Variants in ZMAT4 observed in about 807,000 individuals in gnomAD.
The protein encoded by ZMAT4 is zinc finger matrin-type protein 4.
ZMAT4 carries 17 observed loss-of-function variants against 28.7 expected under a neutral mutation model. The ratio of observed to expected loss-of-function variants is 0.59; its 90% CI spans 0.41 to 0.89. The LOEUF (loss-of-function observed/expected upper bound fraction) is 0.89, where lower values mean the gene tolerates loss of function less well. Among genes scored for constraint, ZMAT4 ranks in the 40% least tolerant of loss-of-function variants. The probability of loss-of-function intolerance (pLI) is 0.00; values close to 1 mark genes in which losing one functional copy is unlikely to be tolerated. For synonymous variants in ZMAT4, 117 were observed against 109.2 expected, an observed-to-expected ratio of 1.07 and a Z score of -0.44; for missense variants, 240 against 283.8, an observed-to-expected ratio of 0.85 and a Z score of 1.11.
intron 1 of ZMAT4, among the ~76,000 whole-genome samples, chr8:40,895,770 A>C (rs1221748174): frequency 6.6e-6 from 1 of 152,188 alleles, no homozygotes; most frequent in Non-Finnish European, 1.5e-5. Context: ...TGCAATCCTC[A>C]AACTCAAAAG....
chr8:40,799,254 T>G (rs192072375), intron 2 of ZMAT4, among the ~76,000 whole-genome samples: 3 of 151,548 alleles, frequency 2.0e-5, no homozygotes, highest in African/African-American at 4.8e-5. Flanking sequence ...TGGAGACAGA[T>G]AGAGAGAGAG....
chr8:40,837,819 C>T (rs1319982796), intron 1 of ZMAT4, among the ~76,000 whole-genome samples: 1 of 152,190 alleles, frequency 6.6e-6, no homozygotes, highest in Admixed American at 6.5e-5. Context: ...GGTACACGGG[C>T]TGGGAGCATC....
chr8:40,789,137 G>C (rs981966239), intron 2 of ZMAT4, among the ~76,000 whole-genome samples: 2 of 151,882 alleles, frequency 1.3e-5, no homozygotes. Context: ...CATCAACATT[G>C]CAACTGTGGA....
intron 1 of ZMAT4, among the ~76,000 whole-genome samples, chr8:40,891,920 A>G (rs1788842152): frequency 6.6e-6 from 1 of 152,100 alleles, no homozygotes; most frequent in Non-Finnish European, 1.5e-5. Context: ...TCACCAATTT[A>G]TCTTGCTTCC....
At chr8:40,702,000 G>A (rs913550875) in intron 3 of ZMAT4, among the ~76,000 whole-genome samples, 2 of 152,178 alleles carry the variant, frequency 1.3e-5, no homozygotes, top group Non-Finnish European at 1.5e-5. Flanking sequence ...GATTAATGCT[G>A]TTATGGAGAG....
At chr8:40,699,288 C>T (rs566097795) in intron 3 of ZMAT4, among the ~76,000 whole-genome samples, 2 of 152,206 alleles carry the variant, frequency 1.3e-5, no homozygotes, top group South Asian at 4.1e-4. Context: ...TTACTACATG[C>T]TGGAGGATAT....
intron 6 of ZMAT4, among the ~76,000 whole-genome samples, chr8:40,577,201 G>GA (rs112453973): frequency 6.3e-4 from 91 of 144,766 alleles, no homozygotes; most frequent in African/African-American, 1.2e-3. Context: ...TCTCAAAAAA[G>GA]AAAAAAAAAA....
At position 40,812,935 on chromosome 8, in the gene ZMAT4, A is replaced by AAAATAAAATAAAATT. The variant is rs1254447514; in HGVS notation, c.102+12639_102+12640insAATTTTATTTTATTT. Among the ~76,000 whole-genome samples the AAAATAAAATAAAATT allele has an allele frequency of 4.1e-4, 32 of 78,040 alleles. 1 individual carries two copies. Among genetic ancestry groups the AAAATAAAATAAAATT allele is most frequent in the South Asian group, 2.6e-3 (7 of 2,700 alleles). 51.2% of individuals were successfully genotyped at this position (78,040 alleles called of 152,430 possible). On this transcript the variant is annotated intron_variant, in intron 2 of 6. Coordinates refer to ENST00000297737, the MANE Select transcript of ZMAT4 (RefSeq NM_024645.3). ...GCGACAAGAGCAAAACTCCATCTCAAAAATTAAATTAAATTAAATTAAATT... is the reference window on the plus strand; with the variant it reads ...GCGACAAGAGCAAAACTCCATCTCAAAAATAAAATAAAATTAAATTAAATTAAATTAAATTAAATT...
chr8:40,627,506 A>T (rs1446000097), intron 5 of ZMAT4, among the ~76,000 whole-genome samples: 6 of 152,206 alleles, frequency 3.9e-5, no homozygotes, highest in Admixed American at 2.6e-4. Flanking sequence ...GGATGAAGAA[A>T]ATATATGTAT....
intron 5 of ZMAT4, among the ~76,000 whole-genome samples, chr8:40,647,496 G>C (rs1013181701): frequency 1.8e-4 from 27 of 152,162 alleles, no homozygotes; most frequent in Non-Finnish European, 7.3e-5. Flanking sequence ...GCGAGGCTGG[G>C]GGAGGGGCGC....
intron 5 of ZMAT4, among the ~76,000 whole-genome samples, chr8:40,614,362 G>C (rs1313964755): frequency 1.3e-5 from 2 of 152,194 alleles, no homozygotes; most frequent in East Asian, 3.9e-4. Context: ...AAAATAAATA[G>C]TTATTAGTTT....
chr8:40,544,421 C>T (rs1208268877), intron 6 of ZMAT4, among the ~76,000 whole-genome samples: 1 of 152,094 alleles, frequency 6.6e-6, no homozygotes, highest in East Asian at 1.9e-4. Flanking sequence ...ATCAAAGGAT[C>T]AGCGTGTTAT....
intron 5 of ZMAT4, among the ~76,000 whole-genome samples, chr8:40,624,629 A>G (rs898200677): frequency 2.6e-5 from 4 of 152,250 alleles, no homozygotes; most frequent in Admixed American, 2.6e-4. Flanking sequence ...ATGCTTAGTC[A>G]TGACTATATT....
rs570203091 is a variant in ZMAT4 at position 40,645,251 on chromosome 8, A to G, written c.577+29453T>C. Among the ~76,000 whole-genome samples the G allele has an allele frequency of 3.9e-5, 6 of 152,298 alleles. No individual in the cohort carries two copies. The South Asian group carries it at 1.2e-3, about 32-fold the overall frequency. ...GTTTCAGTAAATCTAAAACTATTCTAAAATAAAATGTTTATTTAGAAGATA... is the reference window on the plus strand; with the variant it reads ...GTTTCAGTAAATCTAAAACTATTCTGAAATAAAATGTTTATTTAGAAGATA... On this transcript the variant is annotated intron_variant, in intron 5 of 6. Coordinates refer to ENST00000297737, the MANE Select transcript of ZMAT4 (RefSeq NM_024645.3).
intron 5 of ZMAT4, among the ~76,000 whole-genome samples, chr8:40,622,274 C>T (rs1211016483): frequency 6.6e-6 from 1 of 152,138 alleles, no homozygotes; most frequent in African/African-American, 2.4e-5. Flanking sequence ...CCAAAGAGAA[C>T]AGTAGAGAGC....
chr8:40,550,992 T>C (rs1803352835), intron 6 of ZMAT4, among the ~76,000 whole-genome samples: 1 of 152,182 alleles, frequency 6.6e-6, no homozygotes, highest in Admixed American at 6.5e-5. Context: ...GTTTGTACAT[T>C]TTCATGTCCC....
intron 3 of ZMAT4, among the ~76,000 whole-genome samples, chr8:40,721,758 T>C (rs1811107477): frequency 6.6e-6 from 1 of 151,976 alleles, no homozygotes; most frequent in South Asian, 2.1e-4. Context: ...CATGTGTTTT[T>C]TGGCTGCATA....
At chr8:40,820,222 G>C (rs1472708912) in intron 2 of ZMAT4, among the ~76,000 whole-genome samples, 1 of 151,198 alleles carries the variant, frequency 6.6e-6, no homozygotes. Context: ...GTGTGCATTT[G>C]TGTATGTGTG....
intron 5 of ZMAT4, among the ~76,000 whole-genome samples, chr8:40,627,075 T>C (rs1451126030): frequency 6.6e-6 from 1 of 152,190 alleles, no homozygotes; most frequent in Admixed American, 6.5e-5. Flanking sequence ...ATTCCCTCCC[T>C]GAACTGTGCC....
Sources: gnomAD v4.1 joint callset for allele counts (sites outside exome capture counted in the v4.1 genomes callset) on GRCh38, gnomAD v4.1.1 for gene constraint, MANE v1.5 for transcripts, NCBI Gene and HGNC (gene_info 2026-07-23, HGNC 2026-07-21) for gene names.